The following ANKRD28 variants were observed in gnomAD, a reference collection of about 807,000 sequenced individuals.
ANKRD28 encodes serine/threonine-protein phosphatase 6 regulatory ankyrin repeat subunit A.
A neutral mutation model predicts 126.5 loss-of-function variants in ANKRD28; 44 were observed. That is an observed-to-expected ratio of 0.35 (90% confidence interval 0.27 to 0.45). The LOEUF is 0.45. Among genes scored for constraint, ANKRD28 ranks in the 20% least tolerant of loss-of-function variants. The probability of loss-of-function intolerance (pLI) is 1.00; values close to 1 mark genes in which losing one functional copy is unlikely to be tolerated. For synonymous variants in ANKRD28, 442 were observed against 468.5 expected (o/e 0.94, Z 0.73); for missense variants, 1,110 against 1,316.6 (o/e 0.84, Z 2.43).
At position 15,724,382 on chromosome 3, in the gene ANKRD28, A is replaced by G. The variant is rs757084133; in HGVS notation, c.783T>C (p.Asp261=). Residue 261 remains aspartate, a splice_region_variant and synonymous_variant, in exon 7 of 28, where the codon GAT becomes GAC. Coordinates refer to ENST00000683139, the MANE Select transcript of ANKRD28 (RefSeq NM_001349278.2). ...TATACTGTTCAATTAATATACCTAC[A>G]TCAACTCCAAGATCTAGAAGGTACT... The part of the protein sequence containing the change: ...VVKYLLDLGV[D]MNEPNAYGNT... 5.0e-6 allele frequency: 8 copies of G among 1,602,906 alleles called. 1 individual carries two copies. In the South Asian group the frequency reaches 7.9e-5, roughly 16 times the overall value.
intron 12 of ANKRD28, among the ~76,000 whole-genome samples, chr3:15,710,707 G>A (rs182192535): frequency 1.6e-4 from 24 of 152,220 alleles, no homozygotes; most frequent in Non-Finnish European, 1.5e-4. Flanking sequence ...TTTGTTGCTC[G>A]TATGAACCAA....
chr3:15,735,569 G>T, intron 5 of ANKRD28, 72 bp from the exon 6 acceptor site: 1 of 1,187,390 alleles, frequency 8.4e-7, no homozygotes, highest in Non-Finnish European at 1.2e-6. Flanking sequence ...ATTTCTGACA[G>T]TTACTTATCT....
At chr3:15,693,855 T>A (rs1158482530) in intron 17 of ANKRD28, among the ~76,000 whole-genome samples, 1 of 152,122 alleles carries the variant, frequency 6.6e-6, no homozygotes, top group Non-Finnish European at 1.5e-5. Flanking sequence ...AATGTATATA[T>A]GTCAGTGTTA....
In ANKRD28 at chr3:15,804,309, T is replaced by C. The variant is rs192857380; in HGVS notation, c.28-9003A>G. ...GTCCATCATAGGAAAGAGTGTAGCATATGAAGTTATTAATTGTAACTGACA... is the reference window on the plus strand; with the variant it reads ...GTCCATCATAGGAAAGAGTGTAGCACATGAAGTTATTAATTGTAACTGACA... On this transcript the variant is annotated intron_variant, in intron 1 of 27. Coordinates refer to the ANKRD28 transcript ENST00000399451. 2.3e-3 allele frequency among the ~76,000 whole-genome samples: 333 copies of C among 145,046 alleles called. 27 individuals carry two copies. The highest frequency in any genetic ancestry group is 3.9e-3 in the Non-Finnish European group (261 of 67,000).
At chr3:15,744,499 T>C (rs1341440192) in intron 4 of ANKRD28, among the ~76,000 whole-genome samples, 2 of 146,044 alleles carry the variant, frequency 1.4e-5, no homozygotes, top group Non-Finnish European at 3.0e-5. Flanking sequence ...GTACTTTTCA[T>C]AGAGATGGGG....
intron 1 of ANKRD28, among the ~76,000 whole-genome samples, chr3:15,855,941 C>T (rs974782375): frequency 7.9e-5 from 12 of 152,150 alleles, no homozygotes; most frequent in Admixed American, 6.5e-4. Flanking sequence ...TGGGCTTTAT[C>T]GCAATTTTTA....
At chr3:15,857,916 T>C (rs116530309) in intron 1 of ANKRD28, among the ~76,000 whole-genome samples, 79 of 152,324 alleles carry the variant, frequency 5.2e-4, no homozygotes, top group African/African-American at 1.9e-3. Flanking sequence ...AAAGTGCCAT[T>C]TGACTGGTAA....
In ANKRD28 at chr3:15,711,281, G is replaced by C. The variant is rs1438704862; in HGVS notation, c.1274-7C>G. Reference sequence around the variant, plus strand: ...GGGGTATCTATATCAAATCCTACAAGAATGAATACATCTTATTTATAACAG... The same window carrying C: ...GGGGTATCTATATCAAATCCTACAACAATGAATACATCTTATTTATAACAG... On this transcript the variant is annotated splice_region_variant and splice_polypyrimidine_tract_variant and intron_variant, in intron 11 of 27. Coordinates refer to ENST00000683139, the MANE Select transcript of ANKRD28 (RefSeq NM_001349278.2). The C allele has an allele frequency of 3.1e-6, 5 of 1,601,920 alleles. No homozygotes were observed. The Admixed American group carries it at 5.0e-5, about 16-fold the overall frequency.
At chr3:15,799,267 G>A (rs930828620), upstream of ANKRD28, among the ~76,000 whole-genome samples, 4 of 150,982 alleles carry the variant, frequency 2.6e-5, no homozygotes, top group African/African-American at 9.7e-5. Flanking sequence ...ATTCTAAAAC[G>A]AGTTATTTTT....
intron 17 of ANKRD28, among the ~76,000 whole-genome samples, chr3:15,692,172 T>C (rs570975302): frequency 2.8e-5 from 4 of 143,070 alleles, no homozygotes; most frequent in African/African-American, 1.0e-4. Flanking sequence ...AAAAATGAGG[T>C]TGGGCATGGT....
intron 3 of ANKRD28, among the ~76,000 whole-genome samples, chr3:15,752,558 G>A (rs189713732): frequency 2.6e-5 from 4 of 152,236 alleles, no homozygotes; most frequent in Non-Finnish European, 5.9e-5. Flanking sequence ...AATAAAAGCA[G>A]CACATGCATG....
intron 2 of ANKRD28, among the ~76,000 whole-genome samples, chr3:15,784,585 CAGA>C (rs1263827641): frequency 4.3e-5 from 4 of 93,214 alleles, no homozygotes; most frequent in South Asian, 3.8e-4. Context: ...CCACAGAAGG[CAGA>C]AGAAGAATGG....
chr3:15,693,498 G>A (rs1445133180), intron 17 of ANKRD28, among the ~76,000 whole-genome samples: 4 of 152,112 alleles, frequency 2.6e-5, no homozygotes, highest in Non-Finnish European at 5.9e-5. Flanking sequence ...AAGACTGCAG[G>A]GCTTTTGGGA....
chr3:15,675,845 G>T (rs1409571364), intron 27 of ANKRD28, 53 bp downstream of exon 27: 1 of 1,381,682 alleles, frequency 7.2e-7, no homozygotes, highest in South Asian at 1.4e-5. Flanking sequence ...TTCAAATATG[G>T]ATCAAAAGAT....
intron 6 of ANKRD28, among the ~76,000 whole-genome samples, chr3:15,730,799 G>A (rs1038000198): frequency 3.3e-4 from 50 of 152,286 alleles, no homozygotes; most frequent in African/African-American, 1.2e-3. Flanking sequence ...ATGGTACTAT[G>A]GTTTAAATGT....
At chr3:15,713,818 T>C (rs993780190) in intron 9 of ANKRD28, among the ~76,000 whole-genome samples, 177 bp from the exon 10 acceptor site, 2 of 152,234 alleles carry the variant, frequency 1.3e-5, no homozygotes, top group Non-Finnish European at 2.9e-5. Flanking sequence ...GCTTTTATAC[T>C]TAAAGCAATT....
rs1415333845 is a variant in ANKRD28 at position 15,853,605 on chromosome 3, G to A, written c.27+5772C>T. On this transcript the variant is annotated intron_variant, in intron 1 of 27. Coordinates refer to the ANKRD28 transcript ENST00000399451. This position sits in a 1 kb window ranked among gnomAD's most constrained non-coding sequence, Gnocchi z 4.2. ...CTGCCTCAGCCTCTCGAGTAGCTGG[G>A]ACTACAGGCGCCCGCCACCACGCCT... 1.3e-5 allele frequency among the ~76,000 whole-genome samples: 2 copies of A among 152,040 alleles called. No individual in the cohort carries two copies. The highest frequency in any genetic ancestry group is 1.9e-4 in the East Asian group (1 of 5,190).
intron 1 of ANKRD28, among the ~76,000 whole-genome samples, chr3:15,807,226 A>G (rs1263313075): frequency 6.6e-6 from 1 of 152,204 alleles, no homozygotes; most frequent in Non-Finnish European, 1.5e-5. Context: ...GACTCCTAGA[A>G]GCCCCACAAG....
In ANKRD28 at chr3:15,853,423, T is replaced by C. The variant is rs1431286086; in HGVS notation, c.27+5954A>G. Among the ~76,000 whole-genome samples, 1 of 152,102 alleles carries C rather than the reference T, an allele frequency of 6.6e-6. No individual in the cohort carries two copies. The highest frequency in any genetic ancestry group is 1.5e-5 in the Non-Finnish European group (1 of 68,008). ...AAAAATGTATCCAAAATCTAACTAT[T>C]TGGGTTATCTGCTCTTTAACTACCA... On this transcript the variant is annotated intron_variant, in intron 1 of 27. Transcript: ENST00000399451. The surrounding 1 kb of genome is among the most constrained non-coding windows in gnomAD (Gnocchi z 4.2).
Sources: allele counts gnomAD v4.1 joint callset (sites outside exome capture counted in the v4.1 genomes callset), GRCh38; gene constraint gnomAD v4.1.1; non-coding constraint Gnocchi (gnomAD v3.1); transcripts MANE v1.5; gene names NCBI Gene and HGNC (gene_info 2026-07-23, HGNC 2026-07-21).